Variants in MOK observed in about 807,000 individuals in gnomAD.
MOK encodes MOK protein kinase, also known as MAPK/MAK/MRK overlapping kinase.
Under a neutral mutation model 54.2 loss-of-function variants are expected in MOK, and 59 were observed. The observed-to-expected ratio is 1.09, with a 90% confidence interval of 0.88 to 1.35. MOK has a LOEUF of 1.35. Among genes scored for constraint, MOK ranks in the 40% most tolerant of loss-of-function variants. The pLI, the probability that MOK is intolerant of heterozygous loss-of-function variation, is 0.00. For missense variants in MOK, 517 were observed against 526.2 expected, an observed-to-expected ratio of 0.98 and a Z score of 0.17; for synonymous variants, 210 against 202.7, an observed-to-expected ratio of 1.04 and a Z score of -0.31.
intron 2 of MOK, among the ~76,000 whole-genome samples, chr14:102,281,826 C>T (rs892367575): frequency 2.0e-5 from 3 of 151,894 alleles, no homozygotes; most frequent in East Asian, 1.9e-4. Flanking sequence ...AAGATGGAGT[C>T]GGGGAAAGAT....
At position 102,249,777 on chromosome 14, in the gene MOK, AT is replaced by A. The variant is rs1478292854; in HGVS notation, c.590+1034del. On this transcript the variant is annotated intron_variant, in intron 7 of 11. Transcript: ENST00000361847. The surrounding 1 kb of genome is among the most constrained non-coding windows in gnomAD (Gnocchi z 5.3). ...ATTCATATTACATGCCACAAATAAT[AT>A]TTAAAAATACAGCTCTGGTAGTAGG... Among the ~76,000 whole-genome samples, 1 of 152,254 alleles carries A rather than the reference AT, an allele frequency of 6.6e-6. No homozygotes were observed. The highest frequency in any genetic ancestry group is 2.4e-5 in the African/African-American group (1 of 41,466).
chr14:102,289,202 G>A (rs2070471765), intron 1 of MOK, among the ~76,000 whole-genome samples: 2 of 152,006 alleles, frequency 1.3e-5, no homozygotes, highest in Non-Finnish European at 2.9e-5. Flanking sequence ...ACTGCGCTTG[G>A]CCAATTTGTG....
At position 102,232,262 on chromosome 14, in the gene MOK, A is replaced by G. The variant is rs7153005; in HGVS notation, c.866+273T>C. The G allele has an allele frequency of 2.4e-6, 1 of 418,236 alleles. No individual in the cohort carries two copies. The allele number at this position is 418,236 out of a possible 1,614,324, so 25.9% of individuals were successfully genotyped here. A position where few individuals can be genotyped will look rare whatever the true frequency, so the allele number is the denominator to read the frequency against. The stretch of plus-strand genomic sequence containing the variant: ...CCGCACACCAGGCTCTTCTAGAAGG[A>G]TTACTACCTGTAGCCTTGGCATCAA... On this transcript the variant is annotated intron_variant, in intron 9 of 11. Coordinates refer to ENST00000361847, the MANE Select transcript of MOK (RefSeq NM_014226.3). The surrounding 1 kb of genome is among the most constrained non-coding windows in gnomAD (Gnocchi z 5.1).
downstream of MOK, chr14:102,223,558 G>A (rs1330089819): frequency 6.6e-6 from 1 of 152,406 alleles, no homozygotes; most frequent in Non-Finnish European, 1.5e-5. Flanking sequence ...TGTATTATAT[G>A]TATAAATATT....
Position 102,235,006 on chromosome 14 carries a change from T to C in MOK, c.591-1217A>G, listed in dbSNP as rs2065085415. On this transcript the variant is annotated intron_variant, in intron 7 of 11. Transcript: ENST00000361847. This position sits in a 1 kb window ranked among gnomAD's most constrained non-coding sequence, Gnocchi z 4.4. ...CCCCAGCGGACGACTTCTCCTTCTT[T>C]GATCCCACCGATTTCTCCCCTCCTC... 1 of 152,014 alleles carries C rather than the reference T, an allele frequency of 6.6e-6. No homozygotes were observed. Among genetic ancestry groups the C allele is most frequent in the Non-Finnish European group, 1.5e-5 (1 of 68,116 alleles). The allele number at this position is 152,014 out of a possible 1,614,324, so 9.4% of individuals were successfully genotyped here.
At chr14:102,296,051 G>A (rs2071384707) in intron 1 of MOK, among the ~76,000 whole-genome samples, 1 of 152,064 alleles carries the variant, frequency 6.6e-6, no homozygotes, top group South Asian at 2.1e-4. Context: ...TTCAAGACCA[G>A]CCTGGCCAAT....
chr14:102,251,006 A>G lies in MOK; in HGVS notation c.412-16T>C. The G allele has an allele frequency of 6.2e-7, 1 of 1,612,952 alleles. No homozygotes were observed. Among genetic ancestry groups the G allele is most frequent in the Non-Finnish European group, 8.5e-7 (1 of 1,179,464 alleles). Reference sequence around the variant, plus strand: ...GGACATCCTGCTGGAAGGGGAAAGAAGCAAGGACAAGTAACATCCCATTAT... The same window carrying G: ...GGACATCCTGCTGGAAGGGGAAAGAGGCAAGGACAAGTAACATCCCATTAT... On this transcript the variant is annotated splice_polypyrimidine_tract_variant and intron_variant, in intron 6 of 11. Coordinates refer to ENST00000361847, the MANE Select transcript of MOK (RefSeq NM_014226.3).
At chr14:102,298,252 A>G (rs2071681182) in intron 1 of MOK, among the ~76,000 whole-genome samples, 1 of 152,200 alleles carries the variant, frequency 6.6e-6, no homozygotes, top group African/African-American at 2.4e-5. Context: ...AAATGCACCA[A>G]TCAGCACTCT....
intron 1 of MOK, among the ~76,000 whole-genome samples, chr14:102,293,654 T>C (rs562828490): frequency 8.3e-6 from 1 of 120,618 alleles, no homozygotes; most frequent in East Asian, 2.4e-4. Context: ...GCCAAGATCA[T>C]AGCACCATTG....
chr14:102,216,273 A>G, the MOK span, among the ~76,000 whole-genome samples: 1 of 152,204 alleles, frequency 6.6e-6, no homozygotes, highest in Non-Finnish European at 1.5e-5. Context: ...CGACTGCCAC[A>G]AGAGTGCACA....
rs1254566330 is a variant in MOK, at chr14:102,250,845, C to T, written c.557G>A (p.Trp186Ter). Reference protein sequence around the residue: ...DGFYTYKMDLWSAGCVFYEIA... With the variant: ...DGFYTYKMDL ...CTCGTAGAACACACAGCCGGCGCTC[C>T]ACAGGTCCATCTTGTACGTGTAGAA... Residue 186 changes from tryptophan to a stop codon, truncating the protein, a stop_gained, in exon 7 of 12, where the codon TGG becomes TAG. Transcript: ENST00000361847. LOFTEE classifies it high-confidence loss of function. 6.2e-7 allele frequency: 1 copy of T among 1,613,942 alleles called. No homozygotes were observed. Among genetic ancestry groups the T allele is most frequent in the African/African-American group, 1.3e-5 (1 of 74,914 alleles).
intron 1 of MOK, 83 bp downstream of exon 1, chr14:102,304,879 C>T (rs2072615682): frequency 6.7e-7 from 1 of 1,487,562 alleles, no homozygotes; most frequent in African/African-American, 1.4e-5. Flanking sequence ...CCACAGGCCC[C>T]TCAAGCTCCT....
chr14:102,271,949 G>C (rs2068406044), intron 2 of MOK, among the ~76,000 whole-genome samples: 1 of 152,154 alleles, frequency 6.6e-6, no homozygotes, highest in African/African-American at 2.4e-5. Flanking sequence ...TGTAATCACT[G>C]CTTACTGCAG....
downstream of MOK, chr14:102,228,786 G>C (rs1266743502): frequency 6.5e-6 from 1 of 152,726 alleles, no homozygotes; most frequent in African/African-American, 2.4e-5. Flanking sequence ...CTAAAATAAA[G>C]GAATGGCTGG....
rs1477902004 is a variant in MOK, at chr14:102,283,473, C to G, written c.122+5G>C. 6.2e-7 allele frequency: 1 copy of G among 1,601,284 alleles called. No homozygotes were observed. The highest frequency in any genetic ancestry group is 1.3e-5 in the African/African-American group (1 of 74,442). On this transcript the variant is annotated splice_donor_5th_base_variant and intron_variant, in intron 2 of 11. Transcript: ENST00000361847. ...TTTGGTCCCAAGTGCATCTCTGTAG[C>G]CTACCTTTCAAAGCGCTGCTTCATT...
intron 2 of MOK, among the ~76,000 whole-genome samples, chr14:102,275,334 G>T (rs2068757144): frequency 6.6e-6 from 1 of 152,204 alleles, no homozygotes. Flanking sequence ...GGAGGCCGAG[G>T]TGGGTGGACT....
chr14:102,215,718 G>A, the MOK span, among the ~76,000 whole-genome samples: 2 of 152,186 alleles, frequency 1.3e-5, no homozygotes, highest in Non-Finnish European at 2.9e-5. Context: ...TTAAGGCTTT[G>A]TGCTGGCGTG....
At chr14:102,268,157 G>T (rs1405099571) in intron 2 of MOK, among the ~76,000 whole-genome samples, 2 of 152,010 alleles carry the variant, frequency 1.3e-5, no homozygotes, top group African/African-American at 2.4e-5. Flanking sequence ...TCTGTAATAG[G>T]AAAACCAGTT....
Position 102,305,113 on chromosome 14 carries a change from G to C in MOK, c.-145C>G. On this transcript the variant is annotated 5_prime_UTR_variant, in exon 1 of 12. Transcript: ENST00000361847. Reference sequence around the variant, plus strand: ...GGTGGTCCCTCGAAGGAGAGCGTTAGAGATCCCGCCGCCATGTTGTGTCCC... The same window carrying C: ...GGTGGTCCCTCGAAGGAGAGCGTTACAGATCCCGCCGCCATGTTGTGTCCC... The C allele has an allele frequency of 1.0e-6, 1 of 966,308 alleles. No individual in the cohort carries two copies. Among genetic ancestry groups the C allele is most frequent in the Non-Finnish European group, 1.6e-6 (1 of 621,270 alleles). The allele number at this position is 966,308 out of a possible 1,614,324, so 59.9% of individuals were successfully genotyped here. A position where few individuals can be genotyped will look rare whatever the true frequency, so the allele number is the denominator to read the frequency against.
Sources: gnomAD v4.1 joint callset for allele counts (sites outside exome capture counted in the v4.1 genomes callset) on GRCh38, gnomAD v4.1.1 for gene constraint, Gnocchi (gnomAD v3.1) non-coding constraint, MANE v1.5 for transcripts, NCBI Gene and HGNC (gene_info 2026-07-23, HGNC 2026-07-21) for gene names.